PLCB1: variants seen among roughly 807,000 people sequenced by gnomAD.
PLCB1 encodes the protein phospholipase C beta 1, also known as 1-phosphatidylinositol 4,5-bisphosphate phosphodiesterase beta-1.
Under a neutral mutation model 161.8 loss-of-function variants are expected in PLCB1, and 46 were observed. That is an observed-to-expected ratio of 0.28 (90% CI 0.22 to 0.36). The LOEUF (loss-of-function observed/expected upper bound fraction) is 0.36, where lower values mean the gene tolerates loss of function less well. PLCB1 is among the 10% of genes least tolerant of loss of function. The pLI is 1.00. For missense variants in PLCB1, 1,016 were observed against 1,472.5 expected (o/e 0.69, Z 5.07); for synonymous variants, 517 against 503.7 (o/e 1.03, Z -0.35).
At chr20:8,562,424 G>C (rs926602801) in intron 3 of PLCB1, among the ~76,000 whole-genome samples, 1 of 152,040 alleles carries the variant, frequency 6.6e-6, no homozygotes, top group Admixed American at 6.6e-5. Context: ...AATGTGCCTG[G>C]GGACTTTGGG....
chr20:8,770,022 G>A (rs557460571), intron 26 of PLCB1, among the ~76,000 whole-genome samples: 95 of 140,462 alleles, frequency 6.8e-4, no homozygotes, highest in African/African-American at 2.3e-3. Context: ...GTGCGATCTC[G>A]GCTCACTGCA....
chr20:8,802,325 G>A (rs186297033), intron 31 of PLCB1: 22 of 557,186 alleles, frequency 3.9e-5, no homozygotes, highest in African/African-American at 3.1e-4. Flanking sequence ...CCACACCCAT[G>A]ATCATTTCCT....
At chr20:8,724,362 A>AGG (rs754711691) in intron 15 of PLCB1, among the ~76,000 whole-genome samples, 1 of 152,012 alleles carries the variant, frequency 6.6e-6, no homozygotes, top group Non-Finnish European at 1.5e-5. Context: ...AGGCCTGCAG[A>AGG]GGGGCTAAGA....
At chr20:8,683,713 A>C (rs1278349634) in intron 9 of PLCB1, among the ~76,000 whole-genome samples, 1 of 152,184 alleles carries the variant, frequency 6.6e-6, no homozygotes, top group African/African-American at 2.4e-5. Flanking sequence ...TCTAAATAGA[A>C]TCTGAGTAAA....
intron 3 of PLCB1, among the ~76,000 whole-genome samples, chr20:8,490,627 C>G (rs571713613): frequency 6.6e-6 from 1 of 152,266 alleles, no homozygotes; most frequent in South Asian, 2.1e-4. Context: ...TTCTTACTAA[C>G]ACTTTGTATG....
chr20:8,475,374 C>T (rs1341529203), intron 3 of PLCB1, among the ~76,000 whole-genome samples: 3 of 152,030 alleles, frequency 2.0e-5, no homozygotes, highest in Non-Finnish European at 4.4e-5. Flanking sequence ...TTGCTTGAGC[C>T]TGTGGGTTGG....
At chr20:8,307,792 C>T (rs770679208) in intron 2 of PLCB1, among the ~76,000 whole-genome samples, 2 of 151,604 alleles carry the variant, frequency 1.3e-5, no homozygotes, top group Non-Finnish European at 1.5e-5. Context: ...CATAGTGGCA[C>T]GCGCCTGTAA....
intron 1 of PLCB1, among the ~76,000 whole-genome samples, chr20:8,138,558 C>T (rs893719971): frequency 6.6e-6 from 1 of 152,218 alleles, no homozygotes. Context: ...GCATATTTCA[C>T]AGTCTTTTCC....
At chr20:8,574,809 C>G (rs1381868559) in intron 3 of PLCB1, among the ~76,000 whole-genome samples, 1 of 152,220 alleles carries the variant, frequency 6.6e-6, no homozygotes, top group Non-Finnish European at 1.5e-5. Flanking sequence ...CATCAACTCT[C>G]TTGCACTTCC....
intron 3 of PLCB1, among the ~76,000 whole-genome samples, chr20:8,389,460 C>T (rs1987526028): frequency 6.6e-6 from 1 of 152,186 alleles, no homozygotes; most frequent in Admixed American, 6.6e-5. Flanking sequence ...AGAACATTCT[C>T]ACGGAGGCCC....
At chr20:8,644,784 G>C (rs1265746424) in intron 4 of PLCB1, among the ~76,000 whole-genome samples, 4 of 152,094 alleles carry the variant, frequency 2.6e-5, no homozygotes, top group Non-Finnish European at 4.4e-5. Context: ...CTACTGGGAA[G>C]TGAGGGGCCC....
intron 31 of PLCB1, among the ~76,000 whole-genome samples, chr20:8,841,716 C>T (rs188298842): frequency 6.6e-6 from 1 of 152,316 alleles, no homozygotes; most frequent in Admixed American, 6.5e-5. Flanking sequence ...GAAATAAGCT[C>T]TGAACCACGC....
At chr20:8,619,571 A>C (rs745709127) in intron 3 of PLCB1, among the ~76,000 whole-genome samples, 1 of 152,190 alleles carries the variant, frequency 6.6e-6, no homozygotes, top group Non-Finnish European at 1.5e-5. Context: ...TTAGAGTTTG[A>C]GGATTTAATT....
chr20:8,532,397 A>G (rs1984850188), intron 3 of PLCB1, among the ~76,000 whole-genome samples: 1 of 152,154 alleles, frequency 6.6e-6, no homozygotes, highest in African/African-American at 2.4e-5. Context: ...CATATGGTTT[A>G]TGCCACCTGG....
chr20:8,626,624 T>C (rs2123212540), intron 3 of PLCB1, among the ~76,000 whole-genome samples: 1 of 152,272 alleles, frequency 6.6e-6, no homozygotes, highest in East Asian at 1.9e-4. Context: ...TCTCCAAATA[T>C]TTTCCCACTA....
At chr20:8,585,570 T>A (rs1986964828) in intron 3 of PLCB1, among the ~76,000 whole-genome samples, 1 of 152,248 alleles carries the variant, frequency 6.6e-6, no homozygotes, top group African/African-American at 2.4e-5. Context: ...CTGTCTTTGA[T>A]CACGTTATTA....
intron 3 of PLCB1, among the ~76,000 whole-genome samples, chr20:8,500,869 G>C (rs562713206): frequency 1.3e-5 from 2 of 152,232 alleles, no homozygotes; most frequent in East Asian, 3.9e-4. Context: ...TATGAGGAAG[G>C]TCCTAACTTG....
intron 1 of PLCB1, among the ~76,000 whole-genome samples, chr20:8,139,999 C>T (rs1022351269): frequency 4.6e-5 from 7 of 152,164 alleles, no homozygotes; most frequent in South Asian, 2.1e-4. Flanking sequence ...TCTACAGATA[C>T]GTGAGAAGCT....
chr20:8,688,826 G>A (rs1254699128), intron 10 of PLCB1, among the ~76,000 whole-genome samples: 3 of 152,028 alleles, frequency 2.0e-5, no homozygotes, highest in Admixed American at 6.6e-5. Flanking sequence ...TTGGCTATGC[G>A]GGCTATTTTT....
Sources: allele counts gnomAD v4.1 joint callset (sites outside exome capture counted in the v4.1 genomes callset), GRCh38; gene constraint gnomAD v4.1.1; transcripts MANE v1.5; gene names NCBI Gene and HGNC (gene_info 2026-07-23, HGNC 2026-07-21).